Variants in OR2C1 observed in about 807,000 individuals in gnomAD.
The protein encoded by OR2C1 is olfactory receptor family 2 subfamily C member 1.
For synonymous variants in OR2C1, 209 were observed against 167.3 expected (o/e 1.25, Z -1.92); for missense variants, 468 against 388.3 (o/e 1.21, Z -1.73).
At chr16:3,354,773 T>C (rs1442297086), upstream of OR2C1, among the ~76,000 whole-genome samples, 2 of 151,988 alleles carry the variant, frequency 1.3e-5, no homozygotes, top group African/African-American at 4.8e-5. Flanking sequence ...GGGAAATGTG[T>C]TGTTGCTGTT....
At chr16:3,328,833 G>C in the OR2C1 span, among the ~76,000 whole-genome samples, 65 of 152,260 alleles carry the variant, frequency 4.3e-4, no homozygotes, top group Non-Finnish European at 9.0e-4. Context: ...TGCTCTGAGG[G>C]TGTTGCCCCA....
the OR2C1 span, among the ~76,000 whole-genome samples, chr16:3,345,863 T>C: frequency 0.016 from 848 of 53,066 alleles, 16 homozygotes; most frequent in African/African-American, 0.048. Flanking sequence ...TCCCTCCCTC[T>C]CTCTTTCGCT....
upstream of OR2C1, among the ~76,000 whole-genome samples, chr16:3,354,192 C>G (rs2030623322): frequency 6.6e-6 from 1 of 152,028 alleles, no homozygotes; most frequent in Non-Finnish European, 1.5e-5. Flanking sequence ...ACCATGTTGG[C>G]CAGGCTGATC....
the OR2C1 span, chr16:3,324,004 C>T: frequency 4.2e-4 from 194 of 467,444 alleles, no homozygotes; most frequent in Middle Eastern, 1.7e-3. Context: ...AATTTTCACA[C>T]TAAGCATTTG....
chr16:3,356,529 G>A lies in OR2C1; in HGVS notation c.589G>A (p.Ala197Thr). The part of the protein sequence containing the change: ...LACGDTSLNQ[A>T]VLNGVCTFFT... Reference sequence around the variant, plus strand: ...CTGTGGCGACACAAGTCTCAACCAGGCTGTGCTCAATGGTGTCTGCACCTT... The same window carrying A: ...CTGTGGCGACACAAGTCTCAACCAGACTGTGCTCAATGGTGTCTGCACCTT... Residue 197 changes from alanine (A) to threonine (T), a missense_variant, in exon 1 of 1, where the codon GCT (alanine) becomes ACT (threonine). By Grantham distance (58) the Ala-to-Thr change is moderately conservative. Coordinates refer to ENST00000304936, the MANE Select transcript of OR2C1 (RefSeq NM_012368.3). 1 of 1,614,136 alleles carries A rather than the reference G, an allele frequency of 6.2e-7. No individual in the cohort carries two copies. Among genetic ancestry groups the A allele is most frequent in the Non-Finnish European group, 8.5e-7 (1 of 1,180,036 alleles).
Position 3,356,227 on chromosome 16 carries a change from G to A in OR2C1, c.287G>A (p.Gly96Asp). The A allele has an allele frequency of 6.2e-7, 1 of 1,614,160 alleles. No homozygotes were observed. The highest frequency in any genetic ancestry group is 1.6e-4 in the Middle Eastern group (1 of 6,062). ...CCAGGCAAGACCATCAGCTATGGTG[G>A]CTGCATAACCCAGCTCTATGTCTTC... ...WGPGKTISYG[G>D]CITQLYVFLW... Residue 96 changes from glycine to aspartate, a missense_variant, in exon 1 of 1, where the codon GGC becomes GAC. Transcript: ENST00000304936.
chr16:3,343,706 C>G, the OR2C1 span, among the ~76,000 whole-genome samples: 1 of 152,044 alleles, frequency 6.6e-6, no homozygotes, highest in East Asian at 1.9e-4. Context: ...GAGCTAAGAT[C>G]GTGCCACTGC....
chr16:3,354,021 T>C (rs1352362444), upstream of OR2C1, among the ~76,000 whole-genome samples: 1 of 151,058 alleles, frequency 6.6e-6, no homozygotes, highest in East Asian at 1.9e-4. Flanking sequence ...TCTAGCTCTG[T>C]TGCCCAGGCT....
At chr16:3,340,056 A>G in the OR2C1 span, among the ~76,000 whole-genome samples, 1 of 152,132 alleles carries the variant, frequency 6.6e-6, no homozygotes, top group Non-Finnish European at 1.5e-5. Flanking sequence ...AAGCGGGCAG[A>G]TCACCTGAGG....
At chr16:3,349,011 C>T in the OR2C1 span, among the ~76,000 whole-genome samples, 2 of 152,010 alleles carry the variant, frequency 1.3e-5, no homozygotes, top group East Asian at 3.9e-4. Context: ...ATGGCCATCA[C>T]AGGAGTCAGG....
the OR2C1 span, among the ~76,000 whole-genome samples, chr16:3,326,259 C>T: frequency 1.1e-3 from 167 of 152,100 alleles, no homozygotes; most frequent in African/African-American, 2.0e-3. Context: ...CAGCCTGGGA[C>T]GCCGAGAACA....
At chr16:3,330,375 C>T in the OR2C1 span, among the ~76,000 whole-genome samples, 1,288 of 152,144 alleles carry the variant, frequency 8.5e-3, 3 homozygotes, top group East Asian at 0.016. Context: ...CTCAGCCTCC[C>T]GAAGTGCTGG....
the OR2C1 span, among the ~76,000 whole-genome samples, chr16:3,337,578 A>G: frequency 6.6e-6 from 1 of 152,060 alleles, no homozygotes; most frequent in East Asian, 1.9e-4. Context: ...CATTTCCAAG[A>G]TTCCTGTTTG....
chr16:3,325,509 T>C, the OR2C1 span, among the ~76,000 whole-genome samples: 4 of 131,614 alleles, frequency 3.0e-5, no homozygotes, highest in African/African-American at 1.1e-4. Flanking sequence ...ATATATACAC[T>C]TTAAAAATAC....
upstream of OR2C1, among the ~76,000 whole-genome samples, chr16:3,351,210 TTTTCTTTTTCTTTTTC>T (rs1403895867): frequency 3.3e-4 from 3 of 9,096 alleles, no homozygotes; most frequent in African/African-American, 6.5e-4. Flanking sequence ...TTTTTTCTTT[TTTTCTTTTTCTTTTTC>T]TTTTTTTTTT....
At chr16:3,332,386 C>G in the OR2C1 span, among the ~76,000 whole-genome samples, 1 of 152,012 alleles carries the variant, frequency 6.6e-6, no homozygotes, top group Non-Finnish European at 1.5e-5. Flanking sequence ...GTTCTTCTAG[C>G]TATTTTGAAA....
upstream of OR2C1, among the ~76,000 whole-genome samples, chr16:3,352,764 A>G (rs1596413907): frequency 7.5e-6 from 1 of 133,654 alleles, no homozygotes; most frequent in African/African-American, 2.8e-5. Flanking sequence ...TTTCTGAGGT[A>G]GAGTTTCACT....
chr16:3,328,205 G>A, the OR2C1 span, among the ~76,000 whole-genome samples: 4 of 152,210 alleles, frequency 2.6e-5, no homozygotes. Context: ...TGCTGTGAAA[G>A]ATCCTTTATG....
At position 3,356,009 on chromosome 16, in the gene OR2C1, G is replaced by A. The variant is rs1481545279; in HGVS notation, c.69G>A (p.Leu23=). 2.5e-6 allele frequency: 4 copies of A among 1,614,052 alleles called. No homozygotes were observed. Among genetic ancestry groups the A allele is most frequent in the Non-Finnish European group, 3.4e-6 (4 of 1,179,946 alleles). ...TGGGCATATCAGACCATCCCCAGCT[G>A]GAGATGATCTTTTTTATAGCCATCC... The part of the protein sequence containing the change: ...VLMGISDHPQ[L]EMIFFIAILF... Residue 23 remains leucine (L), a synonymous_variant, in exon 1 of 1, where the codon CTG becomes CTA. Transcript: ENST00000304936.
Sources: allele counts gnomAD v4.1 joint callset (sites outside exome capture counted in the v4.1 genomes callset), GRCh38; gene constraint gnomAD v4.1.1; transcripts MANE v1.5; gene names NCBI Gene and HGNC (gene_info 2026-07-23, HGNC 2026-07-21).